DDX46: variants seen among roughly 807,000 people sequenced by gnomAD.
DDX46 encodes probable ATP-dependent RNA helicase DDX46.
A neutral mutation model predicts 134.9 loss-of-function variants in DDX46; 30 were observed. That is an observed-to-expected ratio of 0.22 (90% confidence interval 0.17 to 0.30). The LOEUF is 0.30. Ranked by LOEUF, DDX46 falls within the 10% of genes least tolerant of loss-of-function variation. DDX46 has a pLI of 1.00. For synonymous variants in DDX46, 415 were observed against 404.1 expected, an observed-to-expected ratio of 1.03 and a Z score of -0.32; for missense variants, 622 against 1,248.7, an observed-to-expected ratio of 0.50 and a Z score of 7.56.
intron 15 of DDX46, chr5:134,804,707 C>G (rs1288289304): frequency 4.7e-6 from 1 of 211,288 alleles, no homozygotes; most frequent in African/African-American, 2.3e-5. Flanking sequence ...CAAAAATATG[C>G]TTTTTATTTT....
At chr5:134,798,155 A>G (rs557148149) in intron 15 of DDX46, among the ~76,000 whole-genome samples, 220 of 148,976 alleles carry the variant, frequency 1.5e-3, no homozygotes, top group African/African-American at 5.2e-3. Flanking sequence ...ACTATATAAA[A>G]TATCCCCGCC....
intron 8 of DDX46, 87 bp from the exon 9 acceptor site, chr5:134,782,858 A>G: frequency 6.6e-7 from 1 of 1,522,230 alleles, no homozygotes; most frequent in South Asian, 1.3e-5. Context: ...TAAGAGTTAA[A>G]GTTTGTTAAT....
intron 13 of DDX46, among the ~76,000 whole-genome samples, chr5:134,793,505 A>T (rs1754567413): frequency 6.6e-6 from 1 of 152,182 alleles, no homozygotes; most frequent in Non-Finnish European, 1.5e-5. Context: ...CCCAGGTTCA[A>T]GTGATTCTCC....
At chr5:134,781,808 A>G in intron 7 of DDX46, 113 bp from the exon 8 acceptor site, 3 of 1,041,066 alleles carry the variant, frequency 2.9e-6, no homozygotes, top group Non-Finnish European at 4.2e-6. Flanking sequence ...GTAGAAAGTA[A>G]AATATTAGAG....
chr5:134,772,876 G>A (rs1753817752), intron 4 of DDX46, among the ~76,000 whole-genome samples: 1 of 151,956 alleles, frequency 6.6e-6, no homozygotes, highest in Admixed American at 6.6e-5. Context: ...ATCTCAGCTC[G>A]CTGCAACCTC....
At chr5:134,795,384 G>T (rs1438323687) in intron 14 of DDX46, among the ~76,000 whole-genome samples, 3 of 152,060 alleles carry the variant, frequency 2.0e-5, no homozygotes, top group Admixed American at 2.0e-4. Context: ...TAAAGAATGG[G>T]ATATTCTGTC....
rs191609502 is a variant in DDX46, at chr5:134,777,976, A to G, written c.765+251A>G. ...CTTTGCTTACATATTAACCTTTTTA[A>G]TAAGTTCTCTGGAGACTTCTCTAGC... On this transcript the variant is annotated intron_variant, in intron 6 of 22. Transcript: ENST00000452510. 3.5e-3 allele frequency: 1,196 copies of G among 339,766 alleles called. 6 individuals carry two copies. Among genetic ancestry groups the G allele is most frequent in the South Asian group, 0.01 (161 of 15,566 alleles). The allele number at this position is 339,766 out of a possible 1,614,324, so 21.0% of individuals were successfully genotyped here. A position where few individuals can be genotyped will look rare whatever the true frequency, so the allele number is the denominator to read the frequency against.
intron 19 of DDX46, 80 bp downstream of exon 19, chr5:134,816,686 A>C: frequency 7.4e-7 from 1 of 1,352,532 alleles, no homozygotes; most frequent in Non-Finnish European, 1.0e-6. Context: ...TGTTGAACAC[A>C]AGTAAACAAG....
intron 15 of DDX46, among the ~76,000 whole-genome samples, chr5:134,805,795 A>G (rs1754968708): frequency 6.6e-6 from 1 of 152,088 alleles, no homozygotes; most frequent in Non-Finnish European, 1.5e-5. Flanking sequence ...GGCCTCCGAA[A>G]GTGCTGGGAT....
intron 6 of DDX46, chr5:134,780,602 A>T (rs1754120347): frequency 6.7e-6 from 1 of 149,310 alleles, no homozygotes; most frequent in African/African-American, 2.4e-5. Flanking sequence ...AAATAAATAA[A>T]GTATGTATAA....
intron 9 of DDX46, 140 bp from the exon 10 acceptor site, chr5:134,784,226 T>A: frequency 1.3e-6 from 1 of 769,544 alleles, no homozygotes; most frequent in Non-Finnish European, 2.0e-6. Flanking sequence ...AGTACTTCAT[T>A]CCTTTTTATT....
At chr5:134,782,822 A>T in intron 8 of DDX46, 123 bp from the exon 9 acceptor site, 1 of 1,252,876 alleles carries the variant, frequency 8.0e-7, no homozygotes, top group Non-Finnish European at 1.1e-6. Flanking sequence ...TGCTAGGATT[A>T]CAGGTGTGAG....
rs1755681352 is a variant in DDX46 at position 134,829,601 on chromosome 5, G to A, written c.*895G>A. On this transcript the variant is annotated 3_prime_UTR_variant, in exon 23 of 23. Coordinates refer to ENST00000452510, the MANE Select transcript of DDX46 (RefSeq NM_001300860.2). ...TTCTTAAAAATTGTAAAACATAATG[G>A]TACCCAAGTTTTAAACTTAGATGTG... is the stretch of plus-strand genomic sequence containing the variant. 6.6e-6 allele frequency: 1 copy of A among 151,990 alleles called. No individual in the cohort carries two copies. Among genetic ancestry groups the A allele is most frequent in the South Asian group, 2.1e-4 (1 of 4,832 alleles). 9.4% of individuals were successfully genotyped at this position (151,990 alleles called of 1,614,324 possible).
chr5:134,817,661 A>C lies in DDX46; in HGVS notation c.2779A>C (p.Asn927His). ...AGAAGAGAGACAGGATGGTGGACAG[A>C]ATGAATCTTTTAAGAGATATGAAGA... ...QEEERQDGGQ[N>H]ESFKRYEEEL... The change falls in exon 20 of 23, where the codon AAT (asparagine) becomes CAT (histidine). Residue 927 changes from asparagine (N) to histidine (H), a missense_variant. Transcript: ENST00000452510. The C allele has an allele frequency of 6.2e-7, 1 of 1,614,182 alleles. No homozygotes were observed. The highest frequency in any genetic ancestry group is 1.3e-5 in the African/African-American group (1 of 75,034).
At chr5:134,801,648 G>A (rs1754832217) in intron 15 of DDX46, among the ~76,000 whole-genome samples, 2 of 152,232 alleles carry the variant, frequency 1.3e-5, no homozygotes, top group African/African-American at 2.4e-5. Flanking sequence ...CAGTCCTCCC[G>A]CCTTAAGCTC....
Position 134,825,429 on chromosome 5 carries a change from G to C in DDX46, c.2978-1518G>C, listed in dbSNP as rs538209310. Among the ~76,000 whole-genome samples the C allele has an allele frequency of 6.6e-5, 10 of 152,022 alleles. 1 individual carries two copies. In the South Asian group the frequency reaches 2.1e-3, roughly 32 times the overall value. On this transcript the variant is annotated intron_variant, in intron 21 of 22. Coordinates refer to ENST00000452510, the MANE Select transcript of DDX46 (RefSeq NM_001300860.2). ...CCCTTGGCCTTTTCCTTCCTGTTGT[G>C]CAACTGTTTCTGTCTCTCTTTCTAG...
At chr5:134,780,983 C>T in intron 6 of DDX46, 150 bp from the exon 7 acceptor site, 1 of 514,254 alleles carries the variant, frequency 1.9e-6, no homozygotes, top group African/African-American at 2.0e-5. Context: ...GAGCTATGAT[C>T]ACACCACTCA....
At chr5:134,790,595 C>G in intron 13 of DDX46, 43 bp downstream of exon 13, 1 of 1,506,012 alleles carries the variant, frequency 6.6e-7, no homozygotes, top group Non-Finnish European at 9.1e-7. Context: ...GTAAATATAA[C>G]TTTGTAGTTG....
intron 5 of DDX46, among the ~76,000 whole-genome samples, chr5:134,774,975 C>G (rs1753889580): frequency 6.6e-6 from 1 of 152,016 alleles, no homozygotes; most frequent in African/African-American, 2.4e-5. Context: ...ATTACAGGCA[C>G]CTGCCACCAT....
Sources: allele counts gnomAD v4.1 joint callset (sites outside exome capture counted in the v4.1 genomes callset), GRCh38; gene constraint gnomAD v4.1.1; transcripts MANE v1.5; gene names NCBI Gene and HGNC (gene_info 2026-07-23, HGNC 2026-07-21).